Variants in ROBO1 observed in about 807,000 individuals in gnomAD.
The protein encoded by ROBO1 is roundabout homolog 1.
In ROBO1, 149 loss-of-function variants were observed where a neutral mutation model predicts 195.9. The observed-to-expected ratio is 0.76, with a 90% CI of 0.67 to 0.87. ROBO1 has a LOEUF of 0.87. ROBO1 is among the 40% of genes least tolerant of loss of function. ROBO1 has a pLI of 0.00. For missense variants in ROBO1, 1,933 were observed against 2,068.3 expected (o/e 0.93, Z 1.27); for synonymous variants, 816 against 733.2 (o/e 1.11, Z -1.82).
At chr3:79,699,882 G>A (rs1947563028) in intron 1 of ROBO1, among the ~76,000 whole-genome samples, 1 of 151,538 alleles carries the variant, frequency 6.6e-6, no homozygotes, top group Non-Finnish European at 1.5e-5. Flanking sequence ...GTGTAGGTTT[G>A]TCATATGGGT....
At chr3:79,515,257 A>G (rs756137275) in intron 2 of ROBO1, among the ~76,000 whole-genome samples, 1 of 152,194 alleles carries the variant, frequency 6.6e-6, no homozygotes, top group African/African-American at 2.4e-5. Flanking sequence ...TCCTCCACCA[A>G]TGAATCCAGT....
At chr3:79,631,181 A>G (rs1945329746) in intron 1 of ROBO1, among the ~76,000 whole-genome samples, 1 of 151,590 alleles carries the variant, frequency 6.6e-6, no homozygotes, top group Non-Finnish European at 1.5e-5. Context: ...AAGAGCCTGC[A>G]TTACCTCAAA....
intron 2 of ROBO1, among the ~76,000 whole-genome samples, chr3:79,359,031 C>T (rs1453609816): frequency 6.6e-6 from 1 of 151,964 alleles, no homozygotes; most frequent in Non-Finnish European, 1.5e-5. Context: ...TGTGTTTCTT[C>T]AGACACCAGT....
At chr3:79,384,237 T>C (rs895505515) in intron 2 of ROBO1, among the ~76,000 whole-genome samples, 1 of 152,078 alleles carries the variant, frequency 6.6e-6, no homozygotes, top group African/African-American at 2.4e-5. Context: ...ATGAATAGTT[T>C]GAATGTGTTA....
intron 2 of ROBO1, among the ~76,000 whole-genome samples, chr3:79,259,587 C>A (rs531034314): frequency 6.6e-6 from 1 of 152,184 alleles, no homozygotes; most frequent in South Asian, 2.1e-4. Context: ...TATGCCCCCA[C>A]TAGCATTCCC....
In ROBO1 at chr3:78,636,489, T is replaced by G. The variant is rs550408392; in HGVS notation, c.3038-381A>C. ...TCTAGTCTTTGGTTACTGAATTATT[T>G]GAAGCTACTGGTTAGCTGCTGAAGC... On this transcript the variant is annotated intron_variant, in intron 22 of 30. Transcript: ENST00000464233. 3.3e-5 allele frequency among the ~76,000 whole-genome samples: 5 copies of G among 152,228 alleles called. No homozygotes were observed. In the East Asian group the frequency reaches 9.7e-4, roughly 29 times the overall value.
chr3:78,693,315 G>A (rs1266724737), intron 8 of ROBO1: 4 of 1,550,150 alleles, frequency 2.6e-6, no homozygotes, highest in Non-Finnish European at 2.6e-6. Flanking sequence ...GTGACACGGT[G>A]ATGAGAAGAT....
At chr3:79,138,199 T>A (rs901026594) in intron 2 of ROBO1, among the ~76,000 whole-genome samples, 1 of 151,998 alleles carries the variant, frequency 6.6e-6, no homozygotes, top group Non-Finnish European at 1.5e-5. Context: ...TCTTTTGGTG[T>A]AAGTTGAAGG....
At chr3:78,660,761 T>A (rs1311758647) in intron 16 of ROBO1, 1 of 291,958 alleles carries the variant, frequency 3.4e-6, no homozygotes, top group African/African-American at 2.2e-5. Flanking sequence ...ATTTTAGTTC[T>A]GAATAATTAA....
chr3:79,612,203 C>G (rs1944682166), intron 1 of ROBO1, among the ~76,000 whole-genome samples: 1 of 148,540 alleles, frequency 6.7e-6, no homozygotes, highest in Non-Finnish European at 1.5e-5. Context: ...CAACAGTCCC[C>G]AGAGTGTGAT....
intron 1 of ROBO1, among the ~76,000 whole-genome samples, chr3:79,670,703 A>G (rs1365946823): frequency 6.6e-6 from 1 of 151,858 alleles, no homozygotes; most frequent in Non-Finnish European, 1.5e-5. Flanking sequence ...AGCATAGAGC[A>G]CTAAGAGGAC....
chr3:78,771,801 G>T (rs1461790226), intron 4 of ROBO1, among the ~76,000 whole-genome samples: 1 of 151,988 alleles, frequency 6.6e-6, no homozygotes, highest in African/African-American at 2.4e-5. Context: ...AGTCTTTAGG[G>T]TTTTCTAGGT....
rs182144791 is a variant in ROBO1 at position 79,125,510 on chromosome 3, G to A, written c.118C>T (p.His40Tyr). 42 of 1,613,614 alleles carry A rather than the reference G, an allele frequency of 2.6e-5. No homozygotes were observed. The African/African-American group carries it at 4.9e-4, about 19-fold the overall frequency. Residue 40 changes from histidine to tyrosine, a missense_variant, in exon 3 of 31, where the codon CAC (histidine) becomes TAC (tyrosine). By Grantham distance (83) the His-to-Tyr change is moderately conservative (BLOSUM62 2). This residue lies in a region of ROBO1 where 185 missense variants were observed against 159.5 expected (regional missense o/e 1.16). Coordinates refer to ENST00000464233, the MANE Select transcript of ROBO1 (RefSeq NM_002941.4). ...DPEDVERGND[H>Y]GTPIPTSDND... Reference sequence around the variant, plus strand: ...TCAGAGGTGGGGATTGGCGTCCCGTGGTCGTTCCCCCTCTCTACATCTTCA... The same window carrying A: ...TCAGAGGTGGGGATTGGCGTCCCGTAGTCGTTCCCCCTCTCTACATCTTCA...
intron 1 of ROBO1, among the ~76,000 whole-genome samples, chr3:79,741,638 G>T (rs1296979659): frequency 6.6e-6 from 1 of 152,150 alleles, no homozygotes; most frequent in Admixed American, 6.6e-5. Flanking sequence ...TTGCTATAAA[G>T]ATATCTGAAA....
chr3:79,374,487 A>G (rs530551230), intron 2 of ROBO1, among the ~76,000 whole-genome samples: 1 of 152,288 alleles, frequency 6.6e-6, no homozygotes, highest in African/African-American at 2.4e-5. Context: ...ATTCTTAAAA[A>G]GAAGAAAAAC....
At chr3:79,403,586 G>T (rs2037441619) in intron 2 of ROBO1, among the ~76,000 whole-genome samples, 1 of 151,968 alleles carries the variant, frequency 6.6e-6, no homozygotes, top group South Asian at 2.1e-4. Flanking sequence ...CTTTTTCAAA[G>T]ACATTGTATT....
intron 4 of ROBO1, among the ~76,000 whole-genome samples, chr3:78,911,208 T>C (rs145033087): frequency 6.6e-4 from 101 of 152,088 alleles, no homozygotes; most frequent in African/African-American, 2.2e-3. Flanking sequence ...AAGGAAATAA[T>C]AGATAATTGC....
chr3:79,435,634 C>A (rs894568984), intron 2 of ROBO1, among the ~76,000 whole-genome samples: 10 of 152,082 alleles, frequency 6.6e-5, no homozygotes, highest in African/African-American at 2.4e-4. Flanking sequence ...CCTGTAGGAA[C>A]CACCAGAACT....
intron 1 of ROBO1, among the ~76,000 whole-genome samples, chr3:79,595,724 CT>C (rs371458059): frequency 0.017 from 2,360 of 138,308 alleles, 31 homozygotes; most frequent in Middle Eastern, 0.044. Flanking sequence ...TTTCTTTTTA[CT>C]TTTTTTTTTT....
Sources: gnomAD v4.1 joint callset for allele counts (sites outside exome capture counted in the v4.1 genomes callset) on GRCh38, gnomAD v4.1.1 for gene constraint, gnomAD v4.1.1 regional missense constraint, MANE v1.5 for transcripts, NCBI Gene and HGNC (gene_info 2026-07-23, HGNC 2026-07-21) for gene names.